EHBP1: variants seen among roughly 807,000 people sequenced by gnomAD.
EHBP1 encodes the protein EH domain binding protein 1, also known as EH domain-binding protein 1.
Under a neutral mutation model 144.0 loss-of-function variants are expected in EHBP1, and 55 were observed. That is an observed-to-expected ratio of 0.38 (90% CI 0.31 to 0.48). The LOEUF (loss-of-function observed/expected upper bound fraction) is 0.48. EHBP1 is among the 20% of genes least tolerant of loss of function. The pLI, the probability that EHBP1 is intolerant of heterozygous loss-of-function variation, is 0.98. For synonymous variants in EHBP1, 469 were observed against 472.7 expected (o/e 0.99, Z 0.10); for missense variants, 1,200 against 1,364.2 (o/e 0.88, Z 1.90).
intron 10 of EHBP1, among the ~76,000 whole-genome samples, chr2:62,901,625 T>C (rs1370578841): frequency 6.6e-6 from 1 of 151,764 alleles, no homozygotes; most frequent in Non-Finnish European, 1.5e-5. Context: ...TCTGAGTTAA[T>C]TCTCGCTTGT....
chr2:62,764,461 C>T lies in EHBP1; in HGVS notation c.258+100C>T, dbSNP rs974547540. ...ATTGTTCTATACATTTGTGTCCAGT[C>T]TGGTACCTACTGTGCATTATTTTTA... On this transcript the variant is annotated intron_variant, in intron 4 of 22. Transcript: ENST00000431489. The T allele has an allele frequency of 5.2e-6, 4 of 774,320 alleles. No individual in the cohort carries two copies. The African/African-American group carries it at 5.5e-5, about 11-fold the overall frequency. 48.0% of individuals were successfully genotyped at this position (774,320 alleles called of 1,614,324 possible).
chr2:62,789,336 G>A (rs1049404142), intron 5 of EHBP1, among the ~76,000 whole-genome samples: 3 of 152,088 alleles, frequency 2.0e-5, no homozygotes, highest in African/African-American at 4.8e-5. Context: ...ATCTATTTAC[G>A]TAATTACATC....
At chr2:62,710,231 A>G (rs2035014664) in intron 2 of EHBP1, among the ~76,000 whole-genome samples, 1 of 152,120 alleles carries the variant, frequency 6.6e-6, no homozygotes, top group Non-Finnish European at 1.5e-5. Context: ...AAAGTTGGCA[A>G]GTTGGGGTTA....
chr2:62,863,210 G>C (rs2049733138), intron 8 of EHBP1, among the ~76,000 whole-genome samples: 1 of 152,054 alleles, frequency 6.6e-6, no homozygotes, highest in Admixed American at 6.6e-5. Context: ...GCTTGAACTG[G>C]GGAGGCGGAG....
At chr2:62,845,185 C>T (rs1302143004) in intron 7 of EHBP1, among the ~76,000 whole-genome samples, 1 of 151,724 alleles carries the variant, frequency 6.6e-6, no homozygotes, top group Admixed American at 6.6e-5. Flanking sequence ...CTATAAGGGA[C>T]ATGCACATTT....
chr2:62,773,880 A>G (rs2041864284), intron 5 of EHBP1, among the ~76,000 whole-genome samples: 1 of 146,328 alleles, frequency 6.8e-6, no homozygotes, highest in African/African-American at 2.5e-5. Flanking sequence ...AAAAAAAAAA[A>G]AAAAAGAGAG....
chr2:62,980,114 A>G (rs538009147), intron 15 of EHBP1, among the ~76,000 whole-genome samples: 2 of 152,324 alleles, frequency 1.3e-5, no homozygotes, highest in South Asian at 4.1e-4. Flanking sequence ...GACTCGAATA[A>G]GACCTTAGAG....
At chr2:62,732,218 T>C (rs934711243) in intron 2 of EHBP1, among the ~76,000 whole-genome samples, 5 of 152,252 alleles carry the variant, frequency 3.3e-5, no homozygotes, top group African/African-American at 1.2e-4. Flanking sequence ...GATTTTTTTG[T>C]ATCTATCCTG....
intron 2 of EHBP1, among the ~76,000 whole-genome samples, chr2:62,740,986 C>T (rs1178721917): frequency 2.6e-5 from 4 of 151,736 alleles, no homozygotes; most frequent in Non-Finnish European, 5.9e-5. Flanking sequence ...GCAGATACAC[C>T]CAGAAATCCA....
rs11330618 is a variant in EHBP1 at position 63,042,184 on chromosome 2, CA to C, written c.3278-2881del. Among the ~76,000 whole-genome samples, 973 of 152,218 alleles carry C rather than the reference CA, an allele frequency of 6.4e-3. 12 individuals are homozygous for C. The highest frequency in any genetic ancestry group is 0.022 in the African/African-American group (915 of 41,542). ...CATTGTAGTTTGTCCAAGCCAAAGT[CA>C]GTGCAGTTAGGCTTGAACATGCGAA... On this transcript the variant is annotated intron_variant, in intron 21 of 22. Transcript: ENST00000431489.
intron 7 of EHBP1, among the ~76,000 whole-genome samples, chr2:62,840,861 G>T (rs2047777192): frequency 6.6e-6 from 1 of 152,052 alleles, no homozygotes; most frequent in Admixed American, 6.5e-5. Context: ...AGAGGATGTG[G>T]AGAAATAGGA....
At chr2:62,929,367 G>T (rs995115431) in intron 10 of EHBP1, among the ~76,000 whole-genome samples, 7 of 152,048 alleles carry the variant, frequency 4.6e-5, no homozygotes, top group Non-Finnish European at 8.8e-5. Flanking sequence ...CATATTAAAA[G>T]AATTACATAC....
chr2:62,905,427 C>A (rs78045831), intron 10 of EHBP1, among the ~76,000 whole-genome samples: 1 of 152,104 alleles, frequency 6.6e-6, no homozygotes, highest in South Asian at 2.1e-4. Context: ...TAGACAGGGA[C>A]TAGACCATGC....
chr2:62,849,777 C>T (rs1225021445), intron 7 of EHBP1, among the ~76,000 whole-genome samples: 1 of 152,058 alleles, frequency 6.6e-6, no homozygotes, highest in Non-Finnish European at 1.5e-5. Context: ...AAATACAAGA[C>T]GAACATGACA....
chr2:63,006,517 G>A (rs997663614), intron 19 of EHBP1, among the ~76,000 whole-genome samples: 7 of 151,936 alleles, frequency 4.6e-5, no homozygotes, highest in East Asian at 1.9e-4. Flanking sequence ...AGTACTGACA[G>A]GCTTTCTCTG....
At position 62,680,783 on chromosome 2, in the gene EHBP1, T is replaced by A. The variant is rs530263666; in HGVS notation, c.-296+6700T>A. Among the ~76,000 whole-genome samples the A allele has an allele frequency of 1.2e-4, 18 of 152,224 alleles. No homozygotes were observed. In the East Asian group the frequency reaches 3.5e-3, roughly 29 times the overall value. On this transcript the variant is annotated intron_variant, in intron 1 of 22. Coordinates refer to the EHBP1 transcript ENST00000405015. ...AGCTATACAGAAAACAAGACAGCAA[T>A]CTGAGAGTCAAGATTCGTGGGATAT... is the stretch of plus-strand genomic sequence containing the variant.
chr2:62,716,372 T>C (rs2035680783), intron 2 of EHBP1, among the ~76,000 whole-genome samples: 1 of 152,192 alleles, frequency 6.6e-6, no homozygotes, highest in African/African-American at 2.4e-5. Context: ...TTTTGTAGAT[T>C]CTAAGAGCTG....
intron 10 of EHBP1, among the ~76,000 whole-genome samples, chr2:62,935,459 C>T: frequency 6.7e-6 from 1 of 150,314 alleles, no homozygotes; most frequent in Non-Finnish European, 1.5e-5. Context: ...GTGCCAAGTA[C>T]TTGACATTTT....
chr2:62,878,493 C>G (rs1048810073), intron 10 of EHBP1, among the ~76,000 whole-genome samples: 8 of 152,158 alleles, frequency 5.3e-5, no homozygotes, highest in Non-Finnish European at 1.0e-4. Context: ...GATACCAAAA[C>G]TTGGCAAAGA....
Sources: gnomAD v4.1 joint callset for allele counts (sites outside exome capture counted in the v4.1 genomes callset) on GRCh38, gnomAD v4.1.1 for gene constraint, MANE v1.5 for transcripts, NCBI Gene and HGNC (gene_info 2026-07-23, HGNC 2026-07-21) for gene names.